Variants in SHROOM3 observed in about 807,000 individuals in gnomAD.
SHROOM3 encodes the protein shroom family member 3.
In SHROOM3, 47 loss-of-function variants were observed where a neutral mutation model predicts 138.6. The ratio of observed to expected loss-of-function variants is 0.34; its 90% CI spans 0.27 to 0.43. SHROOM3 has a LOEUF of 0.43. Among genes scored for constraint, SHROOM3 ranks in the 20% least tolerant of loss-of-function variants. The pLI is 1.00. For missense variants in SHROOM3, 2,491 were observed against 2,596.5 expected (o/e 0.96, Z 0.88); for synonymous variants, 1,062 against 1,063.3 (o/e 1.00, Z 0.02).
chr4:76,616,267 C>T (rs1019215403), intron 2 of SHROOM3, among the ~76,000 whole-genome samples: 3 of 152,180 alleles, frequency 2.0e-5, no homozygotes, highest in African/African-American at 7.2e-5. Context: ...GACCAACCCT[C>T]ATGCATTTCC....
chr4:76,693,366 G>GT (rs1429298697), intron 2 of SHROOM3, among the ~76,000 whole-genome samples: 31 of 60,088 alleles, frequency 5.2e-4, no homozygotes, highest in African/African-American at 1.8e-3. Context: ...ATTTTGATAA[G>GT]TTTGTTTTTT....
Position 76,739,414 on chromosome 4 carries a change from G to A in SHROOM3, c.1241G>A (p.Arg414Gln), listed in dbSNP as rs79007254. 309 of 1,614,108 alleles carry A rather than the reference G, an allele frequency of 1.9e-4. 3 individuals are homozygous for A. The East Asian group carries it at 5.7e-3, about 30-fold the overall frequency. The change falls in exon 5 of 11, where the codon CGG becomes CAG. Residue 414 changes from arginine (R) to glutamine (Q), a missense_variant. Transcript: ENST00000296043. Reference sequence around the variant, plus strand: ...AGCCTTGATCAGAAACGGCTCTGCCGGCCTCAGGCAAACTCTTTAGGCTCC... The same window carrying A: ...AGCCTTGATCAGAAACGGCTCTGCCAGCCTCAGGCAAACTCTTTAGGCTCC... ...WSSLDQKRLCRPQANSLGSLK... is the reference protein window; with the variant it reads ...WSSLDQKRLCQPQANSLGSLK...
rs370967544 is a variant in SHROOM3 at position 76,738,910 on chromosome 4, T to C, written c.737T>C (p.Ile246Thr). 56 of 1,614,236 alleles carry C rather than the reference T, an allele frequency of 3.5e-5. No homozygotes were observed. The Middle Eastern group carries it at 9.9e-4, about 29-fold the overall frequency. The change falls in exon 5 of 11, where the codon ATT (isoleucine) becomes ACT (threonine). Residue 246 changes from isoleucine (I) to threonine (T), a missense_variant. Transcript: ENST00000296043. ...HLSPAKSTGS[I>T]DQLSHFHNKR... is the part of the protein sequence containing the mutation. ...TCCCCTGCCAAGTCCACCGGCAGCA[T>C]TGACCAGCTCAGCCACTTCCATAAC...
chr4:76,706,946 G>A (rs1354049542), intron 2 of SHROOM3, among the ~76,000 whole-genome samples: 1 of 152,194 alleles, frequency 6.6e-6, no homozygotes, highest in Admixed American at 6.5e-5. Flanking sequence ...ATTGAAACCT[G>A]AAGGATGAGT....
At chr4:76,608,626 TATAGCATAGCATAGCATAGCATAGC>T (rs1303852174) in intron 2 of SHROOM3, among the ~76,000 whole-genome samples, 34,046 of 100,030 alleles carry the variant, frequency 0.34, 6,447 homozygotes, top group Middle Eastern at 0.49. Context: ...ACAGAGATGG[TATAGCATAGCATAGCATAGCATAGC>T]ATAGCATAGC....
intron 1 of SHROOM3, among the ~76,000 whole-genome samples, chr4:76,535,474 C>G (rs1039797737): frequency 1.3e-5 from 2 of 152,122 alleles, no homozygotes; most frequent in African/African-American, 4.8e-5. Context: ...TGATTAGCAC[C>G]AGGGAAACAA....
intron 2 of SHROOM3, among the ~76,000 whole-genome samples, chr4:76,582,913 G>A (rs1350700346): frequency 6.6e-6 from 1 of 152,172 alleles, no homozygotes; most frequent in African/African-American, 2.4e-5. Context: ...ACTGCTTCCA[G>A]ATTAGATCAT....
chr4:76,628,516 G>A (rs1053590821), intron 2 of SHROOM3, among the ~76,000 whole-genome samples: 9 of 152,150 alleles, frequency 5.9e-5, no homozygotes, highest in East Asian at 1.9e-4. Flanking sequence ...GGGCACAGAC[G>A]TTGGGATTAC....
chr4:76,740,076 A>G lies in SHROOM3; in HGVS notation c.1903A>G (p.Asn635Asp). Residue 635 changes from asparagine to aspartate, a missense_variant, in exon 5 of 11, where the codon AAT becomes GAT. By Grantham distance (23) the Asn-to-Asp change is conservative. Transcript: ENST00000296043. The surrounding 1 kb of genome is among the most constrained non-coding windows in gnomAD (Gnocchi z 4.0). Reference protein sequence around the residue: ...PWEGDFQEDHNANLWRRLERE... With the variant: ...PWEGDFQEDHDANLWRRLERE... ...GGAGGGCGATTTCCAGGAAGACCACAATGCCAACCTCTGGAGGAGGCTGGA... is the reference window on the plus strand; with the variant it reads ...GGAGGGCGATTTCCAGGAAGACCACGATGCCAACCTCTGGAGGAGGCTGGA... 6.2e-7 allele frequency: 1 copy of G among 1,613,776 alleles called. No individual in the cohort carries two copies. Among genetic ancestry groups the G allele is most frequent in the East Asian group, 2.2e-5 (1 of 44,874 alleles).
chr4:76,564,028 G>A (rs899220209), intron 2 of SHROOM3, among the ~76,000 whole-genome samples: 4 of 152,184 alleles, frequency 2.6e-5, no homozygotes, highest in Admixed American at 2.6e-4. Context: ...TTCTGTGTTA[G>A]GAGCGTCTCG....
chr4:76,613,712 G>A (rs571697380), intron 2 of SHROOM3, among the ~76,000 whole-genome samples: 4 of 152,168 alleles, frequency 2.6e-5, no homozygotes, highest in Admixed American at 6.5e-5. Context: ...CTAGGTTCAA[G>A]TAGTGGGCAT....
At chr4:76,497,302 CTA>C (rs1560524680) in intron 1 of SHROOM3, among the ~76,000 whole-genome samples, 1 of 152,188 alleles carries the variant, frequency 6.6e-6, no homozygotes, top group Non-Finnish European at 1.5e-5. Context: ...CCTAGAGAAA[CTA>C]TTTTTCCTTG....
rs570921529 is a variant in SHROOM3, at chr4:76,615,752, G to A, written c.323+59989G>A. ...CCCAGTTGGATGGCTTATAAAATGT[G>A]GGGTGTTTCACATTCACATTCACTG... On this transcript the variant is annotated intron_variant, in intron 2 of 10. Coordinates refer to ENST00000296043, the MANE Select transcript of SHROOM3 (RefSeq NM_020859.4). Among the ~76,000 whole-genome samples, 11 of 152,246 alleles carry A rather than the reference G, an allele frequency of 7.2e-5. No homozygotes were observed. The South Asian group carries it at 1.9e-3, about 26-fold the overall frequency.
At chr4:76,713,754 T>C (rs1720297665) in intron 3 of SHROOM3, among the ~76,000 whole-genome samples, 1 of 152,216 alleles carries the variant, frequency 6.6e-6, no homozygotes, top group Non-Finnish European at 1.5e-5. Flanking sequence ...TGGCTACAGC[T>C]TCACCAGGCG....
chr4:76,549,453 G>A (rs1446173508), intron 1 of SHROOM3, among the ~76,000 whole-genome samples: 1 of 151,658 alleles, frequency 6.6e-6, no homozygotes, highest in East Asian at 1.9e-4. Context: ...ACTGCAACCT[G>A]TGCCTCCTGG....
chr4:76,782,055 G>A lies in SHROOM3; in HGVS notation c.*2878G>A, dbSNP rs1273360639. 2 of 152,184 alleles carry A rather than the reference G, an allele frequency of 1.3e-5. No homozygotes were observed. Among genetic ancestry groups the A allele is most frequent in the African/African-American group, 4.8e-5 (2 of 41,446 alleles). The allele number at this position is 152,184 out of a possible 1,614,324, so 9.4% of individuals were successfully genotyped here. A position where few individuals can be genotyped will look rare whatever the true frequency, so the allele number is the denominator to read the frequency against. ...GGACAATGTCCTGCGAGAAAATCAGGAGGCCTCCACTTCCTGGGCCACTTG... is the reference window on the plus strand; with the variant it reads ...GGACAATGTCCTGCGAGAAAATCAGAAGGCCTCCACTTCCTGGGCCACTTG... On this transcript the variant is annotated 3_prime_UTR_variant, in exon 11 of 11. Coordinates refer to ENST00000296043, the MANE Select transcript of SHROOM3 (RefSeq NM_020859.4).
chr4:76,567,075 C>G (rs185886352), intron 2 of SHROOM3, among the ~76,000 whole-genome samples: 161 of 152,316 alleles, frequency 1.1e-3, no homozygotes, highest in Non-Finnish European at 1.9e-3. Flanking sequence ...CTACTCCCCT[C>G]TTATTCTGCT....
intron 2 of SHROOM3, among the ~76,000 whole-genome samples, chr4:76,568,561 A>G (rs1733774711): frequency 1.3e-5 from 2 of 152,134 alleles, no homozygotes; most frequent in Non-Finnish European, 2.9e-5. Context: ...GTGAAATGAG[A>G]TCGACCTAAT....
chr4:76,756,417 C>CTT (rs76738924), intron 7 of SHROOM3, 32 bp from the exon 8 acceptor site: 298 of 1,266,234 alleles, frequency 2.4e-4, no homozygotes, highest in Non-Finnish European at 2.6e-4. Context: ...CTCTCTCTCT[C>CTT]TTTTTTTTTT....
Sources: allele counts gnomAD v4.1 joint callset (sites outside exome capture counted in the v4.1 genomes callset), GRCh38; gene constraint gnomAD v4.1.1; non-coding constraint Gnocchi (gnomAD v3.1); transcripts MANE v1.5; gene names NCBI Gene and HGNC (gene_info 2026-07-23, HGNC 2026-07-21).